Variants in KIF1A observed in about 807,000 individuals in gnomAD.
The protein encoded by KIF1A is kinesin family member 1A.
In KIF1A, 46 loss-of-function variants were observed where a neutral mutation model predicts 227.3. The observed-to-expected ratio is 0.20, with a 90% CI of 0.16 to 0.26. The LOEUF (loss-of-function observed/expected upper bound fraction) is 0.26, where lower values mean the gene tolerates loss of function less well. Among genes scored for constraint, KIF1A ranks in the 10% least tolerant of loss-of-function variants. KIF1A has a pLI of 1.00. For synonymous variants in KIF1A, 1,022 were observed against 1,012.8 expected, an observed-to-expected ratio of 1.01 and a Z score of -0.17; for missense variants, 1,683 against 2,485.9, an observed-to-expected ratio of 0.68 and a Z score of 6.87.
At chr2:240,745,333 CT>C (rs756670813) in intron 32 of KIF1A, 93 bp downstream of exon 32, 1 of 995,524 alleles carries the variant, frequency 1.0e-6, no homozygotes, top group Non-Finnish European at 1.6e-6. Context: ...TGGCCCACAA[CT>C]GGTGTTCAGA....
intron 28 of KIF1A, 90 bp downstream of exon 28, chr2:240,750,339 G>A: frequency 1.1e-6 from 1 of 874,314 alleles, no homozygotes; most frequent in South Asian, 1.5e-5. Flanking sequence ...GATGCCAGAA[G>A]GCCCTTCTTG....
rs767106460 is a variant in KIF1A at position 240,718,027 on chromosome 2, C to A, written c.5333+23G>T. ...GAGGGCAGGACCCCCATGGCAGCAA[C>A]CTCGCCCTGCAGGCGGCCCTACCGT... On this transcript the variant is annotated intron_variant, in intron 48 of 48. Coordinates refer to ENST00000498729, the MANE Select transcript of KIF1A (RefSeq NM_001244008.2). 7.2e-6 allele frequency: 11 copies of A among 1,523,660 alleles called. No individual in the cohort carries two copies. The South Asian group carries it at 1.3e-4, about 18-fold the overall frequency. The allele number at this position is 1,523,660 out of a possible 1,614,324, so 94.4% of individuals were successfully genotyped here.
In KIF1A at chr2:240,771,016, G is replaced by A; in HGVS notation, c.1296C>T (p.Arg432=). The change falls in exon 15 of 49, where the codon CGC becomes CGT. Residue 432 remains arginine (R), a synonymous_variant. Coordinates refer to ENST00000498729, the MANE Select transcript of KIF1A (RefSeq NM_001244008.2). The stretch of plus-strand genomic sequence containing the variant: ...CCTCGCTGCCCGGGGCAAACAAGAT[G>A]CGCTCGTGGAGGCTGGACACGGAGG... The part of the protein sequence containing the change: ...RAASVSSLHE[R]ILFAPGSEEA... 1 of 1,613,066 alleles carries A rather than the reference G, an allele frequency of 6.2e-7. No individual in the cohort carries two copies. The highest frequency in any genetic ancestry group is 8.5e-7 in the Non-Finnish European group (1 of 1,179,844).
chr2:240,797,384 G>A (rs1278668473), intron 2 of KIF1A, among the ~76,000 whole-genome samples: 1 of 152,170 alleles, frequency 6.6e-6, no homozygotes, highest in Admixed American at 6.5e-5. Flanking sequence ...CTCCCTAGGA[G>A]CTCAGAGAGA....
rs536624026 is a variant in KIF1A, at chr2:240,797,784, T to C, written c.-32A>G. Reference sequence around the variant, plus strand: ...GGCCTTCGTGGGTCACTCCTCGCAGTAGTGGGAGCCCCAGTGTGGGGGGAA... The same window carrying C: ...GGCCTTCGTGGGTCACTCCTCGCAGCAGTGGGAGCCCCAGTGTGGGGGGAA... On this transcript the variant is annotated 5_prime_UTR_variant, in exon 2 of 49. Coordinates refer to ENST00000498729, the MANE Select transcript of KIF1A (RefSeq NM_001244008.2). 1 of 1,400,508 alleles carries C rather than the reference T, an allele frequency of 7.1e-7. No homozygotes were observed. The highest frequency in any genetic ancestry group is 1.4e-5 in the African/African-American group (1 of 71,020). The allele number at this position is 1,400,508 out of a possible 1,614,324, so 86.8% of individuals were successfully genotyped here.
Position 240,738,112 on chromosome 2 carries a change from G to A in KIF1A, c.3902-944C>T, listed in dbSNP as rs187561290. On this transcript the variant is annotated intron_variant, in intron 37 of 48. Coordinates refer to ENST00000498729, the MANE Select transcript of KIF1A (RefSeq NM_001244008.2). ...GGGAAGAGGCTCAGCTGCAGAGATC[G>A]CTGCCTGGGCAGAGCCACTCTCAGC... 5.3e-3 allele frequency among the ~76,000 whole-genome samples: 814 copies of A among 152,348 alleles called. 32 individuals carry two copies. Among genetic ancestry groups the A allele is most frequent in the Admixed American group, 0.038 (577 of 15,308 alleles).
At chr2:240,760,236 G>A (rs1218269879) in intron 25 of KIF1A, among the ~76,000 whole-genome samples, 1 of 152,176 alleles carries the variant, frequency 6.6e-6, no homozygotes, top group Non-Finnish European at 1.5e-5. Flanking sequence ...GGAGGAGCAA[G>A]GGGGCATTCC....
intron 28 of KIF1A, 24 bp downstream of exon 28, chr2:240,750,405 A>T (rs757530696): frequency 1.3e-6 from 2 of 1,570,262 alleles, no homozygotes; most frequent in Non-Finnish European, 1.8e-6. Flanking sequence ...CCAATGCCAC[A>T]CACGGCCTTT....
Position 240,778,542 on chromosome 2 carries a change from A to ACC in KIF1A, c.883-2617_883-2616insGG, listed in dbSNP as rs2053089629. Among the ~76,000 whole-genome samples the ACC allele has an allele frequency of 7.0e-6, 1 of 143,240 alleles. No homozygotes were observed. Among genetic ancestry groups the ACC allele is most frequent in the African/African-American group, 2.6e-5 (1 of 38,478 alleles). The allele number at this position is 143,240 out of a possible 152,430, so 94.0% of individuals were successfully genotyped here. On this transcript the variant is annotated intron_variant, in intron 10 of 48. Transcript: ENST00000498729. The surrounding 1 kb of genome is among the most constrained non-coding windows in gnomAD (Gnocchi z 7.2). ...CACACACACACACACACACACACAC[A>ACC]CAGGCTTCTCAGTGTCCCACGGGCC... is the stretch of plus-strand genomic sequence containing the variant.
chr2:240,740,411 G>T lies in KIF1A; in HGVS notation c.3750-47C>A. The T allele has an allele frequency of 6.7e-7, 1 of 1,501,510 alleles. No homozygotes were observed. The highest frequency in any genetic ancestry group is 9.3e-7 in the Non-Finnish European group (1 of 1,078,648). 93.0% of individuals were successfully genotyped at this position (1,501,510 alleles called of 1,614,324 possible). A position where few individuals can be genotyped will look rare whatever the true frequency, so the allele number is the denominator to read the frequency against. Reference sequence around the variant, plus strand: ...GAGGAGCGGCCAGCCCCTCCTCTCTGCCCTCCCCGCAGCACAGGACACAGT... The same window carrying T: ...GAGGAGCGGCCAGCCCCTCCTCTCTTCCCTCCCCGCAGCACAGGACACAGT... On this transcript the variant is annotated intron_variant, in intron 35 of 48. Coordinates refer to ENST00000498729, the MANE Select transcript of KIF1A (RefSeq NM_001244008.2). The surrounding 1 kb of genome is among the most constrained non-coding windows in gnomAD (Gnocchi z 6.1).
rs147771332 is a variant in KIF1A at position 240,804,335 on chromosome 2, T to A, written c.-60-6523A>T. ...AAAGGGCTGAATGGAAGCTTCTACT[T>A]CTGCAGTATGGTGGGTGAGACACCC... On this transcript the variant is annotated intron_variant, in intron 1 of 48. Transcript: ENST00000498729. Among the ~76,000 whole-genome samples, 94 of 152,320 alleles carry A rather than the reference T, an allele frequency of 6.2e-4. 1 individual carries two copies. The South Asian group carries it at 0.011, about 18-fold the overall frequency.
intron 14 of KIF1A, among the ~76,000 whole-genome samples, chr2:240,772,292 G>T (rs952201225): frequency 4.6e-5 from 7 of 152,196 alleles, no homozygotes; most frequent in Non-Finnish European, 8.8e-5. Context: ...GCCTGAGAAG[G>T]CCTCAGCGAC....
At chr2:240,772,504 C>T in intron 14 of KIF1A, 66 bp downstream of exon 14, 1 of 1,420,426 alleles carries the variant, frequency 7.0e-7, no homozygotes, top group Non-Finnish European at 9.7e-7. Context: ...GACCATGCCA[C>T]CCTAGGCCCT....
chr2:240,773,329 G>A, intron 12 of KIF1A, 73 bp from the exon 13 acceptor site: 1 of 1,582,984 alleles, frequency 6.3e-7, no homozygotes. Flanking sequence ...GGTGCCTAGA[G>A]CCCTGCCCAA....
intron 1 of KIF1A, among the ~76,000 whole-genome samples, chr2:240,808,137 G>A (rs947227027): frequency 7.2e-5 from 11 of 152,152 alleles, no homozygotes; most frequent in Non-Finnish European, 1.5e-4. Flanking sequence ...TTGTAGGAGA[G>A]GTTCTGGCCA....
At chr2:240,735,907 C>T (rs987575573) in intron 38 of KIF1A, among the ~76,000 whole-genome samples, 3 of 152,008 alleles carry the variant, frequency 2.0e-5, no homozygotes, top group Non-Finnish European at 2.9e-5. Flanking sequence ...AGGGCAAGTT[C>T]CCTCTGGAAG....
intron 1 of KIF1A, among the ~76,000 whole-genome samples, chr2:240,812,440 C>A (rs1468849763): frequency 6.6e-6 from 1 of 152,220 alleles, no homozygotes; most frequent in African/African-American, 2.4e-5. Flanking sequence ...AGCCCAGACG[C>A]CCTTCACCTC....
chr2:240,780,497 T>C (rs1047665482), intron 10 of KIF1A, among the ~76,000 whole-genome samples: 1 of 152,024 alleles, frequency 6.6e-6, no homozygotes, highest in African/African-American at 2.4e-5. Flanking sequence ...ACGCAATTCC[T>C]CACACGGTTT....
At chr2:240,730,018 C>A (rs534016565) in intron 38 of KIF1A, among the ~76,000 whole-genome samples, 1 of 152,356 alleles carries the variant, frequency 6.6e-6, no homozygotes, top group East Asian at 1.9e-4. Context: ...GCCCTTGGCC[C>A]ACATCCTGCC....
Sources: gnomAD v4.1 joint callset for allele counts (sites outside exome capture counted in the v4.1 genomes callset) on GRCh38, gnomAD v4.1.1 for gene constraint, Gnocchi (gnomAD v3.1) non-coding constraint, MANE v1.5 for transcripts, NCBI Gene and HGNC (gene_info 2026-07-23, HGNC 2026-07-21) for gene names.